PICALM: variants seen among roughly 807,000 people sequenced by gnomAD.
The protein encoded by PICALM is phosphatidylinositol binding clathrin assembly protein, also known as phosphatidylinositol-binding clathrin assembly protein.
A neutral mutation model predicts 80.5 loss-of-function variants in PICALM; 40 were observed. The ratio of observed to expected loss-of-function variants is 0.50; its 90% CI spans 0.39 to 0.65. PICALM has a LOEUF of 0.65. Among genes scored for constraint, PICALM ranks in the 30% least tolerant of loss-of-function variants. The pLI is 0.00. For synonymous variants in PICALM, 288 were observed against 260.3 expected (o/e 1.11, Z -1.02); for missense variants, 676 against 778.9 (o/e 0.87, Z 1.57).
In PICALM at chr11:85,958,951, G is replaced by T; in HGVS notation, c.*95C>A. The T allele has an allele frequency of 2.3e-6, 2 of 862,492 alleles. No homozygotes were observed. Among genetic ancestry groups the T allele is most frequent in the South Asian group, 3.2e-5 (2 of 62,908 alleles). 53.4% of individuals were successfully genotyped at this position (862,492 alleles called of 1,614,324 possible). On this transcript the variant is annotated 3_prime_UTR_variant, in exon 20 of 20. Coordinates refer to ENST00000393346, the MANE Select transcript of PICALM (RefSeq NM_007166.4). ...TCTAATGGAAGAAGAGAGTTTAAGA[G>T]ATTTAAGAGACAGCAGTTTGGATTT...
At chr11:86,053,656 C>T (rs1458095662) in intron 1 of PICALM, among the ~76,000 whole-genome samples, 2 of 152,104 alleles carry the variant, frequency 1.3e-5, no homozygotes, top group African/African-American at 2.4e-5. Flanking sequence ...TAACCTCTGC[C>T]TCCTGGGCTC....
At chr11:86,029,352 C>T (rs1040834370) in intron 2 of PICALM, among the ~76,000 whole-genome samples, 2 of 152,154 alleles carry the variant, frequency 1.3e-5, no homozygotes, top group African/African-American at 4.8e-5. Context: ...ATTAATGGCA[C>T]CTGCCAATGG....
chr11:86,059,252 C>T (rs1258090542), intron 1 of PICALM, among the ~76,000 whole-genome samples: 1 of 152,106 alleles, frequency 6.6e-6, no homozygotes, highest in Admixed American at 6.5e-5. Flanking sequence ...TTACTGAGCA[C>T]CCATGGGGGG....
chr11:85,960,060 G>A (rs2093636818), intron 19 of PICALM, among the ~76,000 whole-genome samples: 1 of 151,860 alleles, frequency 6.6e-6, no homozygotes, highest in Non-Finnish European at 1.5e-5. Flanking sequence ...TACAATTAGA[G>A]ACAATAAAGG....
At chr11:86,066,802 T>C (rs1026988224) in intron 1 of PICALM, among the ~76,000 whole-genome samples, 2 of 149,570 alleles carry the variant, frequency 1.3e-5, no homozygotes, top group African/African-American at 2.5e-5. Context: ...TAACACAGTG[T>C]CAGGACAAAC....
chr11:86,041,671 CTTTAAT>C (rs2095972164), intron 1 of PICALM, among the ~76,000 whole-genome samples: 1 of 152,170 alleles, frequency 6.6e-6, no homozygotes, highest in Non-Finnish European at 1.5e-5. Flanking sequence ...ACTGTTCAAA[CTTTAAT>C]TTTAAAAGTG....
Position 85,983,951 on chromosome 11 carries a change from T to C in PICALM, c.1431A>G (p.Ala477=), listed in dbSNP as rs758373251. 3 of 1,592,414 alleles carry C rather than the reference T, an allele frequency of 1.9e-6. No individual in the cohort carries two copies. In the East Asian group the frequency reaches 6.7e-5, roughly 36 times the overall value. Residue 477 remains alanine, a synonymous_variant, in exon 14 of 20, where the codon GCA becomes GCG. Coordinates refer to ENST00000393346, the MANE Select transcript of PICALM (RefSeq NM_007166.4). ...MFVGFTPSPV[A]QPHPSAGLNV... is the part of the protein sequence containing the mutation. ...TAAGGCCAGCTGAAGGGTGTGGCTGTGCAACTGGAGAAGGAGTGAATCCTG... is the reference window on the plus strand; with the variant it reads ...TAAGGCCAGCTGAAGGGTGTGGCTGCGCAACTGGAGAAGGAGTGAATCCTG...
intron 1 of PICALM, among the ~76,000 whole-genome samples, chr11:86,062,195 G>A (rs1182469128): frequency 1.3e-5 from 2 of 152,120 alleles, no homozygotes; most frequent in African/African-American, 2.4e-5. Context: ...CATACAATTG[G>A]CCAAACCCAT....
chr11:86,038,855 A>G (rs973462909), intron 1 of PICALM, among the ~76,000 whole-genome samples: 2 of 152,018 alleles, frequency 1.3e-5, no homozygotes, highest in Non-Finnish European at 2.9e-5. Flanking sequence ...TCATGCCTGT[A>G]ATCCCAGTAC....
chr11:85,994,513 T>C (rs2094895262), intron 12 of PICALM, among the ~76,000 whole-genome samples: 2 of 152,230 alleles, frequency 1.3e-5, no homozygotes, highest in South Asian at 2.1e-4. Context: ...ACGTCTGTTA[T>C]TGGCATTCAT....
At chr11:86,048,672 A>G in intron 1 of PICALM, among the ~76,000 whole-genome samples, 1 of 151,900 alleles carries the variant, frequency 6.6e-6, no homozygotes, top group East Asian at 1.9e-4. Flanking sequence ...GCTCTACTAA[A>G]AATACAAAAA....
intron 2 of PICALM, among the ~76,000 whole-genome samples, chr11:86,029,692 T>C (rs1020497998): frequency 2.0e-5 from 3 of 152,188 alleles, no homozygotes; most frequent in African/African-American, 7.2e-5. Flanking sequence ...CTTTTTCTTT[T>C]TAAAAAATAA....
intron 1 of PICALM, among the ~76,000 whole-genome samples, chr11:86,035,741 G>A (rs2508693): frequency 0.5 from 74,889 of 150,720 alleles, 18,987 homozygotes; most frequent in East Asian, 0.6. Flanking sequence ...TCAGGAGTTC[G>A]AGACCAGCCT....
At chr11:86,031,385 G>A (rs1435746894) in intron 2 of PICALM, 84 bp downstream of exon 2, 2 of 1,023,662 alleles carry the variant, frequency 2.0e-6, no homozygotes, top group Admixed American at 5.0e-5. Context: ...GTACCTGGGA[G>A]CTGTTTCTGA....
chr11:86,027,502 T>G (rs1014574582), intron 2 of PICALM, among the ~76,000 whole-genome samples: 1 of 144,670 alleles, frequency 6.9e-6, no homozygotes, highest in Non-Finnish European at 1.5e-5. Context: ...AAATCAGTAT[T>G]TTTTTTTTTT....
intron 19 of PICALM, among the ~76,000 whole-genome samples, chr11:85,961,252 G>A (rs76081084): frequency 0.012 from 1,893 of 152,176 alleles, 44 homozygotes; most frequent in African/African-American, 0.043. Flanking sequence ...TTCTTCATAA[G>A]GGTCGAAAAG....
intron 19 of PICALM, among the ~76,000 whole-genome samples, chr11:85,966,927 C>G (rs2093920633): frequency 6.6e-6 from 1 of 152,182 alleles, no homozygotes; most frequent in Non-Finnish European, 1.5e-5. Context: ...CTGCCGATAC[C>G]CTGATTTCTC....
chr11:86,056,647 A>AT (rs2096274373), intron 1 of PICALM, among the ~76,000 whole-genome samples: 1 of 152,210 alleles, frequency 6.6e-6, no homozygotes, highest in African/African-American at 2.4e-5. Context: ...GAATTACCAT[A>AT]TAACCCAGTA....
At chr11:85,969,661 A>T (rs2094032779) in intron 19 of PICALM, 1 of 423,128 alleles carries the variant, frequency 2.4e-6, no homozygotes, top group Non-Finnish European at 4.7e-6. Flanking sequence ...GAAAAACCTT[A>T]TCTAGTTCAA....
Sources: gnomAD v4.1 joint callset for allele counts (sites outside exome capture counted in the v4.1 genomes callset) on GRCh38, gnomAD v4.1.1 for gene constraint, MANE v1.5 for transcripts, NCBI Gene and HGNC (gene_info 2026-07-23, HGNC 2026-07-21) for gene names.